LRWD1: variants seen among roughly 807,000 people sequenced by gnomAD.
LRWD1 encodes the protein leucine rich repeats and WD repeat domain containing 1.
In LRWD1, 76 loss-of-function variants were observed where a neutral mutation model predicts 75.6. The ratio of observed to expected loss-of-function variants is 1.01; its 90% confidence interval spans 0.84 to 1.22. LRWD1 has a LOEUF of 1.22. LRWD1 is among the 50% of genes most tolerant of loss of function. The probability of loss-of-function intolerance (pLI) is 0.00; values close to 1 mark genes in which losing one functional copy is unlikely to be tolerated. For synonymous variants in LRWD1, 487 were observed against 377.0 expected (o/e 1.29, Z -3.38); for missense variants, 917 against 862.0 (o/e 1.06, Z -0.80).
Position 102,469,298 on chromosome 7 carries a change from C to T in LRWD1, c.1228+236C>T, listed in dbSNP as rs545266479. ...CAGCCTGGGCCACTCTGTCCCCTGT[C>T]AGTGACCTGGGGGGATGCCCCTGCC... is the stretch of plus-strand genomic sequence containing the variant. On this transcript the variant is annotated intron_variant, in intron 9 of 14. Coordinates refer to ENST00000292616, the MANE Select transcript of LRWD1 (RefSeq NM_152892.3). Among the ~76,000 whole-genome samples, 6 of 152,304 alleles carry T rather than the reference C, an allele frequency of 3.9e-5. No individual in the cohort carries two copies. In the East Asian group the frequency reaches 1.2e-3, roughly 29 times the overall value.
chr7:102,471,392 CAACA>C (rs1481283299), intron 11 of LRWD1: 1 of 154,328 alleles, frequency 6.5e-6, no homozygotes, highest in Non-Finnish European at 1.5e-5. Context: ...AGCTTACCTA[CAACA>C]AACAGCCCAG....
Position 102,465,847 on chromosome 7 carries a change from C to A in LRWD1, c.111C>A (p.His37Gln), listed in dbSNP as rs2133261710. ...DLSGLELLSE[H>Q]LDPKLLCRLT... ...CAGGATTGGAGCTGCTTTCCGAGCA[C>A]CTGGACCCCAAACTCCTGTGCCGCC... Residue 37 changes from histidine (H) to glutamine (Q), a missense_variant, in exon 2 of 15, where the codon CAC becomes CAA. Coordinates refer to ENST00000292616, the MANE Select transcript of LRWD1 (RefSeq NM_152892.3). 6.2e-7 allele frequency: 1 copy of A among 1,613,318 alleles called. No individual in the cohort carries two copies. Among genetic ancestry groups the A allele is most frequent in the Non-Finnish European group, 8.5e-7 (1 of 1,180,006 alleles).
chr7:102,466,356 G>A, intron 3 of LRWD1, 86 bp downstream of exon 3: 3 of 1,092,100 alleles, frequency 2.7e-6, no homozygotes, highest in African/African-American at 1.5e-5. Context: ...AGGATGTTGA[G>A]GAGGGTGACT....
In LRWD1 at chr7:102,467,743, G is replaced by A; in HGVS notation, c.598G>A (p.Val200Met). The A allele has an allele frequency of 6.4e-7, 1 of 1,551,772 alleles. No homozygotes were observed. Among genetic ancestry groups the A allele is most frequent in the Non-Finnish European group, 8.7e-7 (1 of 1,147,168 alleles). The stretch of plus-strand genomic sequence containing the variant: ...GGTGCGGATGATCTCTGAGGAGCTG[G>A]TGGCCGCCAGTAGGACCCAGGTGCA... The part of the protein sequence containing the change: ...WRVRMISEEL[V>M]AASRTQVQKA... Residue 200 changes from valine (V) to methionine (M), a missense_variant, in exon 5 of 15, where the codon GTG (valine) becomes ATG (methionine). By Grantham distance (21) the Val-to-Met change is conservative. Coordinates refer to ENST00000292616, the MANE Select transcript of LRWD1 (RefSeq NM_152892.3).
chr7:102,469,135 C>A, intron 9 of LRWD1, 73 bp downstream of exon 9: 1 of 1,370,490 alleles, frequency 7.3e-7, no homozygotes, highest in Non-Finnish European at 9.9e-7. Context: ...TCCACGCTCC[C>A]CTCCCTGGGA....
Position 102,468,162 on chromosome 7 carries a change from C to CT in LRWD1, c.780dup (p.Val261CysfsTer65), listed in dbSNP as rs1400736425. 6.2e-7 allele frequency: 1 copy of CT among 1,606,288 alleles called. No homozygotes were observed. The highest frequency in any genetic ancestry group is 8.5e-7 in the Non-Finnish European group (1 of 1,177,574). ...CCGTCGGCCCAGGTGGAGGGCAGCC[C>CT]TGTGGCAGGCTCCGATGGCAGCCAG... On this transcript the variant is annotated frameshift_variant, in exon 6 of 15. Coordinates refer to ENST00000292616, the MANE Select transcript of LRWD1 (RefSeq NM_152892.3). LOFTEE classifies it high-confidence loss of function.
At chr7:102,471,756 C>T (rs553633611) in intron 11 of LRWD1, 68 of 182,310 alleles carry the variant, frequency 3.7e-4, no homozygotes, top group Admixed American at 6.5e-4. Context: ...ATTCCCCCGT[C>T]TTTTGAGTCA....
chr7:102,465,887 G>C lies in LRWD1; in HGVS notation c.151G>C (p.Glu51Gln), dbSNP rs1159129086. The C allele has an allele frequency of 4.3e-6, 7 of 1,613,476 alleles. No individual in the cohort carries two copies. Among genetic ancestry groups the C allele is most frequent in the African/African-American group, 1.3e-5 (1 of 74,876 alleles). ...KLLCRLTQLQ[E>Q]LDLSNNHLET... ...CCTGTGCCGCCTGACGCAGCTGCAGGAGCTTGACCTGTCTAACAACCACCT... is the reference window on the plus strand; with the variant it reads ...CCTGTGCCGCCTGACGCAGCTGCAGCAGCTTGACCTGTCTAACAACCACCT... Residue 51 changes from glutamate (E) to glutamine (Q), a missense_variant, in exon 2 of 15, where the codon GAG becomes CAG. Glu to Gln is a conservative substitution (Grantham distance 29). Coordinates refer to ENST00000292616, the MANE Select transcript of LRWD1 (RefSeq NM_152892.3).
chr7:102,469,663 GGCTGGGGAGT>G lies in LRWD1; in HGVS notation c.1301+19_1301+28del. 6.2e-7 allele frequency: 1 copy of G among 1,614,182 alleles called. No homozygotes were observed. Among genetic ancestry groups the G allele is most frequent in the Non-Finnish European group, 8.5e-7 (1 of 1,179,996 alleles). On this transcript the variant is annotated intron_variant, in intron 10 of 14. Transcript: ENST00000292616. Reference sequence around the variant, plus strand: ...CCAGGCCAGGTGATGCTTCGGGTGAGGCTGGGGAGTGGCCAGCTGCTGGGGCAGGGACACC... The same window carrying G: ...CCAGGCCAGGTGATGCTTCGGGTGAGGGCCAGCTGCTGGGGCAGGGACACC...
chr7:102,467,171 G>GTGTGTGT lies in LRWD1; in HGVS notation c.433-168_433-167insTGTGTGT, dbSNP rs1554579596. Among the ~76,000 whole-genome samples, 227 of 99,144 alleles carry GTGTGTGT rather than the reference G, an allele frequency of 2.3e-3. 10 individuals carry two copies. Among genetic ancestry groups the GTGTGTGT allele is most frequent in the Middle Eastern group, 0.014 (3 of 208 alleles). 65.0% of individuals were successfully genotyped at this position (99,144 alleles called of 152,430 possible). A position where few individuals can be genotyped will look rare whatever the true frequency, so the allele number is the denominator to read the frequency against. On this transcript the variant is annotated intron_variant, in intron 3 of 14. Coordinates refer to ENST00000292616, the MANE Select transcript of LRWD1 (RefSeq NM_152892.3). ...TGGGTTGTTGCTGGGGTGTGTGTGG[G>GTGTGTGT]GTGTGTGTGTGTGTGTGTGTGTGTG...
chr7:102,469,935 G>C, intron 11 of LRWD1, 53 bp downstream of exon 11: 2 of 1,451,992 alleles, frequency 1.4e-6, no homozygotes, highest in Non-Finnish European at 1.8e-6. Flanking sequence ...GAGGGTGGCT[G>C]TTGGCCCAGA....
intron 9 of LRWD1, 125 bp downstream of exon 9, chr7:102,469,187 GCTCCGA>G: frequency 1.2e-6 from 1 of 810,208 alleles, no homozygotes; most frequent in Non-Finnish European, 1.9e-6. Context: ...AGTCTGCACC[GCTCCGA>G]CTCTAGCTTT....
At chr7:102,467,591 G>C in intron 4 of LRWD1, 112 bp downstream of exon 4, 1 of 1,524,792 alleles carries the variant, frequency 6.6e-7, no homozygotes. Context: ...GAGTCAGGGT[G>C]GGCAGCCCTG....
chr7:102,469,651 T>C lies in LRWD1; in HGVS notation c.1301+5T>C. The C allele has an allele frequency of 6.2e-7, 1 of 1,614,192 alleles. No individual in the cohort carries two copies. The highest frequency in any genetic ancestry group is 8.5e-7 in the Non-Finnish European group (1 of 1,179,996). ...GGACTACGAATTCCAGGCCAGGTGA[T>C]GCTTCGGGTGAGGCTGGGGAGTGGC... On this transcript the variant is annotated splice_donor_5th_base_variant and intron_variant, in intron 10 of 14. Transcript: ENST00000292616.
At chr7:102,469,466 C>A in intron 9 of LRWD1, 108 bp from the exon 10 acceptor site, 1 of 1,305,694 alleles carries the variant, frequency 7.7e-7, no homozygotes, top group Non-Finnish European at 1.1e-6. Context: ...GCCCTCCCCG[C>A]CTCGGAGGGG....
Position 102,472,503 on chromosome 7 carries a change from G to C in LRWD1, c.1584G>C (p.Gln528His). 6.4e-7 allele frequency: 1 copy of C among 1,550,798 alleles called. No individual in the cohort carries two copies. Among genetic ancestry groups the C allele is most frequent in the Non-Finnish European group, 8.7e-7 (1 of 1,148,344 alleles). ...CCATCTGCCTGTGGAGCTGGAGGCA[G>C]ACGTGGGGGGGCCGGGGCAGCCAGT... ...LGTICLWSWR[Q>H]TWGGRGSQST... is the part of the protein sequence containing the mutation. Residue 528 changes from glutamine (Q) to histidine (H), a missense_variant, in exon 13 of 15, where the codon CAG becomes CAC. Coordinates refer to ENST00000292616, the MANE Select transcript of LRWD1 (RefSeq NM_152892.3).
chr7:102,467,312 G>T (rs373355050), intron 3 of LRWD1, 27 bp from the exon 4 acceptor site: 139 of 1,578,350 alleles, frequency 8.8e-5, no homozygotes, highest in Admixed American at 2.0e-4. Flanking sequence ...GGTGGGCCGG[G>T]CCTGGATCTG....
At chr7:102,468,498 A>G in intron 7 of LRWD1, 56 bp from the exon 8 acceptor site, 1 of 1,546,312 alleles carries the variant, frequency 6.5e-7, no homozygotes, top group East Asian at 2.4e-5. Flanking sequence ...GGCTGCAGGG[A>G]GGACCTAGAT....
chr7:102,469,461 C>G, intron 9 of LRWD1, 113 bp from the exon 10 acceptor site: 1 of 1,235,362 alleles, frequency 8.1e-7, no homozygotes, highest in Admixed American at 1.9e-5. Context: ...GGCCCGCCCT[C>G]CCCGCCTCGG....
Sources: gnomAD v4.1 joint callset for allele counts (sites outside exome capture counted in the v4.1 genomes callset) on GRCh38, gnomAD v4.1.1 for gene constraint, MANE v1.5 for transcripts, NCBI Gene and HGNC (gene_info 2026-07-23, HGNC 2026-07-21) for gene names.